The following ZC3H12B variants were observed in gnomAD, a reference collection of about 807,000 sequenced individuals.
ZC3H12B encodes zinc finger CCCH-type containing 12B.
ZC3H12B carries 7 observed loss-of-function variants against 43.9 expected under a neutral mutation model. That is an observed-to-expected ratio of 0.16 (90% CI 0.09 to 0.30). ZC3H12B has a LOEUF of 0.30. Ranked by LOEUF, ZC3H12B falls within the 10% of genes least tolerant of loss-of-function variation. The pLI is 1.00. For missense variants in ZC3H12B, 475 were observed against 670.2 expected (o/e 0.71, Z 3.22); for synonymous variants, 222 against 241.7 (o/e 0.92, Z 0.76).
intron 3 of ZC3H12B, among the ~76,000 whole-genome samples, chrX:65,453,028 A>G (rs2067541559): frequency 9.1e-6 from 1 of 110,427 alleles, no homozygotes; most frequent in South Asian, 3.9e-4. Flanking sequence ...ACCGAAAAAG[A>G]GCCCACATAG....
intron 3 of ZC3H12B, among the ~76,000 whole-genome samples, chrX:65,405,763 A>T: frequency 8.9e-6 from 1 of 112,425 alleles, no homozygotes; most frequent in Non-Finnish European, 1.9e-5. Flanking sequence ...AAACTTACTA[A>T]TAAAAGGAGA....
the ZC3H12B span, among the ~76,000 whole-genome samples, chrX:65,106,554 T>C: frequency 4.2e-4 from 47 of 111,160 alleles, 1 homozygote; most frequent in South Asian, 0.016. Context: ...AAATCGAGTA[T>C]AGGTAATAGT....
the ZC3H12B span, among the ~76,000 whole-genome samples, chrX:65,048,274 A>G: frequency 9.0e-6 from 1 of 111,518 alleles, no homozygotes; most frequent in Non-Finnish European, 1.9e-5. Flanking sequence ...ATAATATTCT[A>G]TTATGCACAT....
At chrX:65,249,796 ATTT>A in the ZC3H12B span, among the ~76,000 whole-genome samples, 3,690 of 48,933 alleles carry the variant, frequency 0.075, 276 homozygotes, top group African/African-American at 0.29. Flanking sequence ...ATTCCTAAGT[ATTT>A]TTTTTTTTTT....
At chrX:65,330,343 T>C in the ZC3H12B span, among the ~76,000 whole-genome samples, 1 of 111,871 alleles carries the variant, frequency 8.9e-6, no homozygotes, top group Admixed American at 9.5e-5. Context: ...AATCATGTCA[T>C]CTGCAAACAG....
the ZC3H12B span, among the ~76,000 whole-genome samples, chrX:65,149,314 G>A: frequency 3.6e-5 from 4 of 112,039 alleles, no homozygotes; most frequent in Admixed American, 9.5e-5. Flanking sequence ...TAAAGAATGT[G>A]TGAACTTGAG....
chrX:65,377,274 C>T (rs1247489501), intron 2 of ZC3H12B, among the ~76,000 whole-genome samples: 18 of 108,552 alleles, frequency 1.7e-4, no homozygotes, highest in African/African-American at 5.0e-4. Flanking sequence ...ATCTAGAAAA[C>T]GGCCTCGTAA....
the ZC3H12B span, among the ~76,000 whole-genome samples, chrX:65,279,330 G>A: frequency 1.0e-5 from 1 of 99,466 alleles, no homozygotes; most frequent in Non-Finnish European, 2.0e-5. Context: ...TTTAACAATA[G>A]CCATTCTGAG....
At chrX:65,248,477 C>T in the ZC3H12B span, among the ~76,000 whole-genome samples, 4 of 111,780 alleles carry the variant, frequency 3.6e-5, no homozygotes, top group Non-Finnish European at 7.5e-5. Flanking sequence ...CGGATAGAAA[C>T]CCTAGCATAT....
chrX:65,408,657 G>A, intron 3 of ZC3H12B: 2 of 1,023,817 alleles, frequency 2.0e-6, no homozygotes. Flanking sequence ...GAGCACCACA[G>A]AGATGAGAGG....
chrX:65,308,345 G>A, the ZC3H12B span, among the ~76,000 whole-genome samples: 1 of 110,545 alleles, frequency 9.0e-6, no homozygotes, highest in Admixed American at 9.7e-5. Flanking sequence ...TGCAAGCCTG[G>A]GCTCTGATAA....
At chrX:65,087,002 C>T in the ZC3H12B span, among the ~76,000 whole-genome samples, 3 of 110,195 alleles carry the variant, frequency 2.7e-5, no homozygotes, top group Non-Finnish European at 3.8e-5. Flanking sequence ...TGGATACCTC[C>T]CTTATCCTGC....
chrX:65,422,799 C>T (rs1253001078), intron 3 of ZC3H12B, among the ~76,000 whole-genome samples: 2 of 110,537 alleles, frequency 1.8e-5, no homozygotes, highest in African/African-American at 6.6e-5. Context: ...GTTTTCTGTT[C>T]CTGTGTTAGT....
chrX:65,327,689 G>T, the ZC3H12B span, among the ~76,000 whole-genome samples: 2 of 111,498 alleles, frequency 1.8e-5, no homozygotes, highest in Middle Eastern at 4.6e-3. Context: ...TAGTGTCAAA[G>T]GAATAGAAAC....
chrX:65,460,112 C>T (rs1300952077), intron 3 of ZC3H12B, among the ~76,000 whole-genome samples: 2 of 111,561 alleles, frequency 1.8e-5, no homozygotes, highest in Non-Finnish European at 3.8e-5. Flanking sequence ...TTCATAATTG[C>T]TTCAAAGAGA....
At chrX:65,146,464 T>C in the ZC3H12B span, among the ~76,000 whole-genome samples, 1 of 111,887 alleles carries the variant, frequency 8.9e-6, no homozygotes, top group African/African-American at 3.3e-5. Flanking sequence ...TTCAAGTAAA[T>C]CTGGGATTTC....
intron 2 of ZC3H12B, among the ~76,000 whole-genome samples, chrX:65,374,244 TTA>T (rs1197949328): frequency 4.9e-5 from 4 of 81,632 alleles, no homozygotes; most frequent in African/African-American, 2.3e-4. Flanking sequence ...GTAATATATA[TTA>T]TATATATAGT....
chrX:65,044,703 G>GAC, the ZC3H12B span, among the ~76,000 whole-genome samples: 2 of 110,956 alleles, frequency 1.8e-5, no homozygotes, highest in African/African-American at 3.3e-5. Flanking sequence ...TGAAGATATA[G>GAC]ACACACACAC....
At chrX:65,231,498 G>C in the ZC3H12B span, among the ~76,000 whole-genome samples, 1 of 110,647 alleles carries the variant, frequency 9.0e-6, no homozygotes, top group Non-Finnish European at 1.9e-5. Context: ...TCTTAACCGC[G>C]TATCTCAATC....
Sources: gnomAD v4.1 joint callset for allele counts (sites outside exome capture counted in the v4.1 genomes callset) on GRCh38, gnomAD v4.1.1 for gene constraint, MANE v1.5 for transcripts, NCBI Gene and HGNC (gene_info 2026-07-23, HGNC 2026-07-21) for gene names.